Variants in UBR3 observed in about 807,000 individuals in gnomAD.
The protein encoded by UBR3 is E3 ubiquitin-protein ligase UBR3.
In UBR3, 85 loss-of-function variants were observed where a neutral mutation model predicts 243.2. That is an observed-to-expected ratio of 0.35 (90% CI 0.29 to 0.42). The LOEUF (loss-of-function observed/expected upper bound fraction) is 0.42, where lower values mean the gene tolerates loss of function less well. UBR3 is among the 10% of genes least tolerant of loss of function. The pLI is 1.00. For missense variants in UBR3, 1,686 were observed against 2,300.8 expected (o/e 0.73, Z 5.47); for synonymous variants, 748 against 799.8 (o/e 0.94, Z 1.09).
At chr2:169,927,287 C>G (rs1402784211) in intron 16 of UBR3, 33 bp from the exon 17 acceptor site, 2 of 1,513,822 alleles carry the variant, frequency 1.3e-6, no homozygotes, top group Admixed American at 4.2e-5. Flanking sequence ...TATGTATACT[C>G]AGATTTGTTA....
At chr2:169,960,895 G>T (rs2087541007) in intron 24 of UBR3, among the ~76,000 whole-genome samples, 1 of 151,928 alleles carries the variant, frequency 6.6e-6, no homozygotes, top group African/African-American at 2.4e-5. Context: ...GACTGTTTTT[G>T]AGTCCAGTGG....
At chr2:169,974,975 G>A (rs1464441445) in intron 24 of UBR3, among the ~76,000 whole-genome samples, 2 of 152,118 alleles carry the variant, frequency 1.3e-5, no homozygotes, top group African/African-American at 4.8e-5. Context: ...TAGTCCAGGA[G>A]TTCAGAACCA....
chr2:169,862,590 C>T (rs2083129758), intron 1 of UBR3, among the ~76,000 whole-genome samples: 1 of 152,128 alleles, frequency 6.6e-6, no homozygotes, highest in Non-Finnish European at 1.5e-5. Context: ...ACTTTTATTA[C>T]TCTTGTTTTT....
intron 25 of UBR3, among the ~76,000 whole-genome samples, chr2:169,993,338 A>G (rs1050718888): frequency 6.6e-6 from 1 of 152,166 alleles, no homozygotes; most frequent in African/African-American, 2.4e-5. Context: ...ATATACACTT[A>G]TATCATTTTT....
At chr2:169,900,482 AG>A (rs2084776832) in intron 8 of UBR3, among the ~76,000 whole-genome samples, 1 of 152,090 alleles carries the variant, frequency 6.6e-6, no homozygotes, top group African/African-American at 2.4e-5. Context: ...GCTGTGCAGA[AG>A]CTCTTTAGTT....
At chr2:169,912,136 G>A (rs2085276842) in intron 10 of UBR3, among the ~76,000 whole-genome samples, 1 of 152,172 alleles carries the variant, frequency 6.6e-6, no homozygotes, top group African/African-American at 2.4e-5. Flanking sequence ...ATAGGTAGCT[G>A]ATGAGTTTAA....
chr2:169,986,600 ATTT>A, intron 24 of UBR3, 42 bp from the exon 25 acceptor site: 1 of 1,556,370 alleles, frequency 6.4e-7, no homozygotes. Context: ...TTGAAGAGAG[ATTT>A]TCCTCCTAAG....
Position 169,894,031 on chromosome 2 carries a change from T to C in UBR3, c.1106-1150T>C, listed in dbSNP as rs530134007. Among the ~76,000 whole-genome samples, 32 of 152,224 alleles carry C rather than the reference T, an allele frequency of 2.1e-4. 1 individual carries two copies. The highest frequency in any genetic ancestry group is 3.9e-4 in the East Asian group (2 of 5,176). ...TTAAATCATTGTCATGCCCTGGAAA[T>C]GATCTGTTTCAGGAAGAATAGATTT... On this transcript the variant is annotated intron_variant, in intron 6 of 38. Transcript: ENST00000272793.
rs989203506 is a variant in UBR3, at chr2:169,895,170, T to G, written c.1106-11T>G. On this transcript the variant is annotated splice_polypyrimidine_tract_variant and intron_variant, in intron 6 of 38. Coordinates refer to ENST00000272793, the MANE Select transcript of UBR3 (RefSeq NM_172070.4). ...AATCATTAACTGATAAATTTCATTT[T>G]TCATGTGCAGATCAATCCATAATGG... 1.5e-5 allele frequency: 22 copies of G among 1,495,274 alleles called. No homozygotes were observed. The highest frequency in any genetic ancestry group is 1.9e-5 in the Non-Finnish European group (21 of 1,127,888). 92.6% of individuals were successfully genotyped at this position (1,495,274 alleles called of 1,614,324 possible).
intron 20 of UBR3, among the ~76,000 whole-genome samples, chr2:169,943,606 G>A (rs2086674444): frequency 6.6e-6 from 1 of 151,770 alleles, no homozygotes; most frequent in African/African-American, 2.4e-5. Flanking sequence ...AACTTGGAGG[G>A]GGAAGAAAGA....
chr2:169,857,070 T>A (rs1368308081), intron 1 of UBR3, among the ~76,000 whole-genome samples: 21 of 89,222 alleles, frequency 2.4e-4, no homozygotes, highest in African/African-American at 1.1e-3. Context: ...TTATGTTTTT[T>A]TTTTTTTTTT....
Position 169,827,815 on chromosome 2 carries a change from G to C in UBR3, c.308G>C (p.Gly103Ala). 1 of 1,499,132 alleles carries C rather than the reference G, an allele frequency of 6.7e-7. No homozygotes were observed. Among genetic ancestry groups the C allele is most frequent in the Non-Finnish European group, 8.9e-7 (1 of 1,128,412 alleles). 92.9% of individuals were successfully genotyped at this position (1,499,132 alleles called of 1,614,324 possible). The change falls in exon 1 of 39, where the codon GGC becomes GCC. Residue 103 changes from glycine (G) to alanine (A), a missense_variant. Gly to Ala is a moderately conservative substitution (Grantham distance 60, BLOSUM62 0). Transcript: ENST00000272793. The part of the protein sequence containing the change: ...WCKCLLAGGG[G>A]YDEFCAAVRA... The stretch of plus-strand genomic sequence containing the variant: ...AAGTGCCTTCTGGCGGGCGGCGGCG[G>C]CTACGACGAGTTCTGCGCGGCGGTG...
At chr2:169,968,072 A>G (rs765822765) in intron 24 of UBR3, among the ~76,000 whole-genome samples, 117 of 152,176 alleles carry the variant, frequency 7.7e-4, no homozygotes, top group Non-Finnish European at 1.4e-3. Context: ...AAAATTTAAT[A>G]TTTACAAAAA....
At chr2:169,983,351 C>G (rs1487421923) in intron 24 of UBR3, among the ~76,000 whole-genome samples, 1 of 150,536 alleles carries the variant, frequency 6.6e-6, no homozygotes, top group Non-Finnish European at 1.5e-5. Context: ...GCCTCCGCCT[C>G]CCAAGTTCAA....
At chr2:170,025,234 G>A (rs2090498147) in intron 30 of UBR3, among the ~76,000 whole-genome samples, 1 of 152,116 alleles carries the variant, frequency 6.6e-6, no homozygotes, top group South Asian at 2.1e-4. Flanking sequence ...TCCAATGAGA[G>A]AGGAAAACAT....
chr2:169,943,955 G>C (rs2086689370), intron 20 of UBR3, among the ~76,000 whole-genome samples: 1 of 151,762 alleles, frequency 6.6e-6, no homozygotes, highest in Non-Finnish European at 1.5e-5. Flanking sequence ...CAGTGTACTT[G>C]TTTCTAAAGT....
intron 32 of UBR3, among the ~76,000 whole-genome samples, chr2:170,043,450 T>C (rs1483543801): frequency 1.3e-5 from 2 of 152,134 alleles, no homozygotes; most frequent in African/African-American, 2.4e-5. Flanking sequence ...GTTTAAAAAC[T>C]ATATCATAAA....
At chr2:169,989,603 A>G (rs570154151) in intron 25 of UBR3, among the ~76,000 whole-genome samples, 28 of 152,310 alleles carry the variant, frequency 1.8e-4, no homozygotes, top group African/African-American at 6.7e-4. Context: ...ATATACTTCT[A>G]TAAAAGAAAT....
intron 24 of UBR3, among the ~76,000 whole-genome samples, chr2:169,967,400 G>A (rs543773047): frequency 2.9e-4 from 44 of 151,950 alleles, no homozygotes; most frequent in African/African-American, 1.0e-3. Flanking sequence ...TCTGAGTGTT[G>A]GGAAAAGTTT....
Sources: allele counts gnomAD v4.1 joint callset (sites outside exome capture counted in the v4.1 genomes callset), GRCh38; gene constraint gnomAD v4.1.1; transcripts MANE v1.5; gene names NCBI Gene and HGNC (gene_info 2026-07-23, HGNC 2026-07-21).